PTGER3: variants seen among roughly 807,000 people sequenced by gnomAD.
The protein encoded by PTGER3 is prostaglandin E receptor 3, also known as prostaglandin E2 receptor EP3 subtype.
Under a neutral mutation model 34.7 loss-of-function variants are expected in PTGER3, and 22 were observed. That is an observed-to-expected ratio of 0.63 (90% CI 0.45 to 0.91). The LOEUF (loss-of-function observed/expected upper bound fraction) is 0.91, where lower values mean the gene tolerates loss of function less well. Among genes scored for constraint, PTGER3 ranks in the 40% least tolerant of loss-of-function variants. The pLI is 0.00. For synonymous variants in PTGER3, 241 were observed against 230.1 expected (o/e 1.05, Z -0.43); for missense variants, 468 against 519.4 (o/e 0.90, Z 0.96).
At chr1:71,020,126 A>T (rs1658270008) in intron 1 of PTGER3, among the ~76,000 whole-genome samples, 1 of 152,168 alleles carries the variant, frequency 6.6e-6, no homozygotes, top group Admixed American at 6.6e-5. Flanking sequence ...GTGGATTAAG[A>T]AACAATTGTA....
intron 2 of PTGER3, among the ~76,000 whole-genome samples, chr1:70,999,825 C>T (rs573463446): frequency 1.3e-5 from 2 of 152,330 alleles, no homozygotes; most frequent in Admixed American, 1.3e-4. Context: ...AACCACAGGC[C>T]TGTGTGGAAG....
In PTGER3 at chr1:70,913,202, T is replaced by C. The variant is rs528718063; in HGVS notation, c.*23+40561A>G. Among the ~76,000 whole-genome samples, 32 of 152,096 alleles carry C rather than the reference T, an allele frequency of 2.1e-4. 1 individual carries two copies. The South Asian group carries it at 6.4e-3, about 31-fold the overall frequency. On this transcript the variant is annotated intron_variant, in intron 4 of 4. Coordinates refer to the PTGER3 transcript ENST00000370931. ...TTTGTAGCTTTCAGTGTACCATTTT[T>C]TTGTGAATCTTTTACGAAATTTATT...
intron 4 of PTGER3, among the ~76,000 whole-genome samples, chr1:70,885,300 C>T (rs1646474270): frequency 6.6e-6 from 1 of 152,114 alleles, no homozygotes; most frequent in African/African-American, 2.4e-5. Flanking sequence ...ATGTGTTATA[C>T]TCCATCAAAT....
intron 2 of PTGER3, chr1:71,005,788 C>T (rs1656903714): frequency 1.1e-6 from 1 of 878,224 alleles, no homozygotes; most frequent in South Asian, 5.3e-5. Flanking sequence ...GGGAATGTCT[C>T]ACCCCATGGC....
At chr1:70,854,484 C>T (rs1645755950) in intron 4 of PTGER3, among the ~76,000 whole-genome samples, 1 of 152,124 alleles carries the variant, frequency 6.6e-6, no homozygotes, top group African/African-American at 2.4e-5. Context: ...AATGTAATCT[C>T]CACATGTCAG....
At chr1:70,861,162 C>G (rs35162116) in intron 4 of PTGER3, among the ~76,000 whole-genome samples, 2 of 152,212 alleles carry the variant, frequency 1.3e-5, no homozygotes, top group East Asian at 3.9e-4. Flanking sequence ...TATTATAAAG[C>G]AAATATGTTA....
chr1:70,955,109 A>T (rs1187902253), intron 2 of PTGER3, among the ~76,000 whole-genome samples: 1 of 152,178 alleles, frequency 6.6e-6, no homozygotes, highest in African/African-American at 2.4e-5. Context: ...AAATGTTTTG[A>T]AACTTACAGT....
intron 4 of PTGER3, among the ~76,000 whole-genome samples, chr1:70,855,921 A>G (rs1359489619): frequency 6.6e-6 from 1 of 152,204 alleles, no homozygotes. Flanking sequence ...CAGTTCTGAG[A>G]GGAGCGATAT....
chr1:71,015,047 T>C (rs909125036), intron 1 of PTGER3, among the ~76,000 whole-genome samples: 4 of 152,158 alleles, frequency 2.6e-5, no homozygotes, highest in Non-Finnish European at 2.9e-5. Context: ...AGTCCATTGG[T>C]TTTATTCTTT....
At chr1:70,953,142 A>T (rs1650943825) in intron 3 of PTGER3, 3 of 1,179,534 alleles carry the variant, frequency 2.5e-6, no homozygotes, top group Non-Finnish European at 3.4e-6. Context: ...TAAAAAGGTG[A>T]TACAGTATAA....
chr1:70,950,119 T>G (rs947309411), downstream of PTGER3, among the ~76,000 whole-genome samples: 8 of 152,270 alleles, frequency 5.3e-5, no homozygotes, highest in African/African-American at 1.9e-4. Context: ...TTTCAGAAGG[T>G]ACAGAGTGTG....
rs1312586824 is a variant in PTGER3 at position 71,031,135 on chromosome 1, A to G, written c.897+15546T>C. Among the ~76,000 whole-genome samples the G allele has an allele frequency of 2.0e-5, 3 of 152,146 alleles. 1 individual carries two copies. Among genetic ancestry groups the G allele is most frequent in the Non-Finnish European group, 2.9e-5 (2 of 68,034 alleles). ...GTAATTGTCAAGTATGTACCTGCACATAACAGGCATTCAGTAAATAGAAGT... is the reference window on the plus strand; with the variant it reads ...GTAATTGTCAAGTATGTACCTGCACGTAACAGGCATTCAGTAAATAGAAGT... On this transcript the variant is annotated intron_variant, in intron 1 of 3. Coordinates refer to ENST00000306666, the MANE Select transcript of PTGER3 (RefSeq NM_198719.2).
chr1:70,926,240 G>A (rs966702032), intron 4 of PTGER3, among the ~76,000 whole-genome samples: 2 of 152,128 alleles, frequency 1.3e-5, no homozygotes, highest in African/African-American at 2.4e-5. Flanking sequence ...GCTTGATGGG[G>A]ATGCCATTGA....
intron 4 of PTGER3, among the ~76,000 whole-genome samples, chr1:70,906,143 G>A (rs535317959): frequency 2.2e-4 from 33 of 152,204 alleles, no homozygotes; most frequent in Admixed American, 9.8e-4. Context: ...TGAGGCCTCC[G>A]CAGCCATGTG....
chr1:70,898,679 C>T (rs1646773750), intron 4 of PTGER3, among the ~76,000 whole-genome samples: 1 of 152,072 alleles, frequency 6.6e-6, no homozygotes, highest in Admixed American at 6.6e-5. Context: ...TTTCTCTGTT[C>T]CTCAGTTTTC....
intron 2 of PTGER3, among the ~76,000 whole-genome samples, chr1:70,991,547 C>CT (rs1655483043): frequency 6.6e-6 from 1 of 152,192 alleles, no homozygotes; most frequent in African/African-American, 2.4e-5. Flanking sequence ...TTTCTGGGAA[C>CT]TGCAGGGAGA....
Position 70,878,733 on chromosome 1 carries a change from A to T in PTGER3, c.*24-25874T>A, listed in dbSNP as rs1319471034. ...GCCTTCCTTTCATTATTTACACAAAAGTCATTCAGAAGCAGGTTGTTTAAT... is the reference window on the plus strand; with the variant it reads ...GCCTTCCTTTCATTATTTACACAAATGTCATTCAGAAGCAGGTTGTTTAAT... On this transcript the variant is annotated intron_variant, in intron 4 of 4. Transcript: ENST00000370931. Among the ~76,000 whole-genome samples, 3 of 152,190 alleles carry T rather than the reference A, an allele frequency of 2.0e-5. No individual in the cohort carries two copies. In the East Asian group the frequency reaches 5.8e-4, roughly 29 times the overall value.
At chr1:71,029,918 T>C (rs1029033704) in intron 1 of PTGER3, among the ~76,000 whole-genome samples, 1 of 121,072 alleles carries the variant, frequency 8.3e-6, no homozygotes, top group Non-Finnish European at 1.7e-5. Context: ...AGAGTGAGAC[T>C]CCATCTCAAA....
At position 71,047,497 on chromosome 1, in the gene PTGER3, G is replaced by T; in HGVS notation, c.81C>A (p.Pro27=). Residue 27 remains proline, a synonymous_variant, in exon 1 of 4, where the codon CCC becomes CCA. Coordinates refer to ENST00000306666, the MANE Select transcript of PTGER3 (RefSeq NM_198719.2). ...LNHSYTGMWA[P]ERSAEARGNL... is the part of the protein sequence containing the mutation. ...TGCCCCGCGCCTCGGCGGAACGCTCGGGCGCCCACATGCCTGTGTAGGAGT... is the reference window on the plus strand; with the variant it reads ...TGCCCCGCGCCTCGGCGGAACGCTCTGGCGCCCACATGCCTGTGTAGGAGT... 1 of 1,604,818 alleles carries T rather than the reference G, an allele frequency of 6.2e-7. No individual in the cohort carries two copies. The highest frequency in any genetic ancestry group is 8.5e-7 in the Non-Finnish European group (1 of 1,177,054).
Sources: gnomAD v4.1 joint callset for allele counts (sites outside exome capture counted in the v4.1 genomes callset) on GRCh38, gnomAD v4.1.1 for gene constraint, MANE v1.5 for transcripts, NCBI Gene and HGNC (gene_info 2026-07-23, HGNC 2026-07-21) for gene names.